The following FYB1 variants were observed in gnomAD, a reference collection of about 807,000 sequenced individuals.
FYB1 encodes the protein FYN binding protein 1, also known as FYN-binding protein 1.
Under a neutral mutation model 94.1 loss-of-function variants are expected in FYB1, and 41 were observed. The observed-to-expected ratio is 0.44, with a 90% CI of 0.34 to 0.57. FYB1 has a LOEUF of 0.57. FYB1 is among the 20% of genes least tolerant of loss of function. FYB1 has a pLI of 0.02. For synonymous variants in FYB1, 367 were observed against 353.2 expected, an observed-to-expected ratio of 1.04 and a Z score of -0.44; for missense variants, 1,050 against 976.8, an observed-to-expected ratio of 1.07 and a Z score of -1.00.
chr5:39,221,104 A>G (rs1404494560), upstream of FYB1, among the ~76,000 whole-genome samples: 1 of 152,158 alleles, frequency 6.6e-6, no homozygotes, highest in Non-Finnish European at 1.5e-5. Context: ...CCCTCTTGAC[A>G]TTAGATTTGG....
intron 2 of FYB1, among the ~76,000 whole-genome samples, chr5:39,160,998 C>T (rs555346479): frequency 1.3e-5 from 2 of 152,292 alleles, no homozygotes; most frequent in Non-Finnish European, 2.9e-5. Context: ...AACTGCCTGC[C>T]CTTTTGAAGT....
intron 2 of FYB1, among the ~76,000 whole-genome samples, chr5:39,174,669 T>G (rs1745556222): frequency 6.6e-6 from 1 of 152,226 alleles, no homozygotes; most frequent in South Asian, 2.1e-4. Flanking sequence ...AAATCCTGTT[T>G]TTCTTCTTTA....
chr5:39,135,121 A>G, intron 7 of FYB1, 107 bp from the exon 8 acceptor site: 2 of 1,222,624 alleles, frequency 1.6e-6, no homozygotes, highest in Non-Finnish European at 2.3e-6. Flanking sequence ...AGCTACCTAT[A>G]ACCAACATTT....
At position 39,136,438 on chromosome 5, in the gene FYB1, T is replaced by C. The variant is rs556953598; in HGVS notation, c.1515+1162A>G. Among the ~76,000 whole-genome samples, 98 of 152,358 alleles carry C rather than the reference T, an allele frequency of 6.4e-4. No individual in the cohort carries two copies. In the South Asian group the frequency reaches 0.019, roughly 30 times the overall value. On this transcript the variant is annotated intron_variant, in intron 7 of 18. Transcript: ENST00000512982. ...TGAAAAATATAAAGATTGGTAGTCA[T>C]GCATTCTGTATAAGTAAAATGTTCT...
chr5:39,110,441 T>C, intron 16 of FYB1, 52 bp from the exon 17 acceptor site: 1 of 1,164,096 alleles, frequency 8.6e-7, no homozygotes, highest in Non-Finnish European at 1.3e-6. Flanking sequence ...TTGAAAAATC[T>C]TTAGTACTTT....
At chr5:39,209,584 C>T (rs1749174212) in intron 1 of FYB1, among the ~76,000 whole-genome samples, 1 of 152,204 alleles carries the variant, frequency 6.6e-6, no homozygotes, top group Non-Finnish European at 1.5e-5. Flanking sequence ...CTGCCTCAGC[C>T]TCCCAAAGTG....
intron 13 of FYB1, among the ~76,000 whole-genome samples, chr5:39,123,102 C>A (rs577783021): frequency 4.6e-5 from 7 of 152,176 alleles, no homozygotes; most frequent in East Asian, 3.9e-4. Context: ...TTCCTCCCTG[C>A]ACATATTAAT....
In FYB1 at chr5:39,159,622, C is replaced by T. The variant is rs1744069413; in HGVS notation, c.1136-6018G>A. Among the ~76,000 whole-genome samples the T allele has an allele frequency of 2.6e-5, 4 of 152,168 alleles. No homozygotes were observed. The South Asian group carries it at 8.3e-4, about 32-fold the overall frequency. ...TTTTACTAAGAACATGGAGAATGCC[C>T]CATCTGACTATCTCCACTTGCCCTG... On this transcript the variant is annotated intron_variant, in intron 2 of 18. Transcript: ENST00000512982.
At chr5:39,146,923 G>A (rs1742704622) in intron 3 of FYB1, among the ~76,000 whole-genome samples, 1 of 152,146 alleles carries the variant, frequency 6.6e-6, no homozygotes, top group Non-Finnish European at 1.5e-5. Flanking sequence ...ATAAATAGGT[G>A]CAGGTGCCAT....
At chr5:39,152,808 T>C (rs1338129066) in intron 3 of FYB1, among the ~76,000 whole-genome samples, 1 of 152,198 alleles carries the variant, frequency 6.6e-6, no homozygotes, top group Non-Finnish European at 1.5e-5. Context: ...CAGCCAAAAA[T>C]TCTGATGGAT....
intron 2 of FYB1, among the ~76,000 whole-genome samples, chr5:39,180,603 A>G (rs1021947178): frequency 1.3e-5 from 2 of 152,202 alleles, no homozygotes; most frequent in African/African-American, 4.8e-5. Context: ...TTAGGGGAAG[A>G]AAACAGTTGA....
chr5:39,183,909 A>G (rs1051269209), intron 2 of FYB1, among the ~76,000 whole-genome samples: 1 of 152,186 alleles, frequency 6.6e-6, no homozygotes, highest in African/African-American at 2.4e-5. Context: ...ATCTAAGCTC[A>G]TTCTGGTATA....
At chr5:39,266,716 A>G (rs1190301093) in intron 1 of FYB1, among the ~76,000 whole-genome samples, 1 of 152,196 alleles carries the variant, frequency 6.6e-6, no homozygotes, top group Non-Finnish European at 1.5e-5. Context: ...CCTGGGATAA[A>G]GAACCACAAA....
In FYB1 at chr5:39,248,600, C is replaced by T. The variant is rs144207004; in HGVS notation, c.-28+25803G>A. 2.7e-3 allele frequency among the ~76,000 whole-genome samples: 417 copies of T among 152,166 alleles called. 2 individuals carry two copies. The highest frequency in any genetic ancestry group is 0.01 in the Middle Eastern group (3 of 294). ...AATACTGTAATCCCAGCACTTTGGGCGGCTGAGGTGGGGATCACTTGAGGT... is the reference window on the plus strand; with the variant it reads ...AATACTGTAATCCCAGCACTTTGGGTGGCTGAGGTGGGGATCACTTGAGGT... On this transcript the variant is annotated intron_variant, in intron 1 of 1. Transcript: ENST00000510188.
At chr5:39,273,485 C>T (rs1752719462) in intron 1 of FYB1, among the ~76,000 whole-genome samples, 1 of 152,128 alleles carries the variant, frequency 6.6e-6, no homozygotes, top group African/African-American at 2.4e-5. Flanking sequence ...ACATAAGTTC[C>T]TGAGCAGGAA....
At chr5:39,198,648 T>C (rs557712337) in intron 2 of FYB1, among the ~76,000 whole-genome samples, 1 of 152,288 alleles carries the variant, frequency 6.6e-6, no homozygotes, top group South Asian at 2.1e-4. Flanking sequence ...CACTTTATTA[T>C]AAAATAGGCT....
At chr5:39,252,171 TA>T (rs891598254) in intron 1 of FYB1, among the ~76,000 whole-genome samples, 27 of 151,126 alleles carry the variant, frequency 1.8e-4, no homozygotes, top group Middle Eastern at 3.4e-3. Context: ...AAATAAAAAA[TA>T]AAAAAATAAA....
intron 1 of FYB1, among the ~76,000 whole-genome samples, chr5:39,235,964 A>G (rs1370338475): frequency 6.6e-6 from 1 of 152,064 alleles, no homozygotes; most frequent in Non-Finnish European, 1.5e-5. Context: ...TTGAGGAACT[A>G]AAACATTAAT....
At chr5:39,123,455 T>A (rs1048731581) in intron 13 of FYB1, among the ~76,000 whole-genome samples, 1 of 152,214 alleles carries the variant, frequency 6.6e-6, no homozygotes, top group African/African-American at 2.4e-5. Flanking sequence ...TTGTTTCATT[T>A]TATACCCACT....
Sources: allele counts gnomAD v4.1 joint callset (sites outside exome capture counted in the v4.1 genomes callset), GRCh38; gene constraint gnomAD v4.1.1; transcripts MANE v1.5; gene names NCBI Gene and HGNC (gene_info 2026-07-23, HGNC 2026-07-21).